KIAA0825: variants seen among roughly 807,000 people sequenced by gnomAD.
KIAA0825 encodes KIAA0825.
KIAA0825 carries 119 observed loss-of-function variants against 147.6 expected under a neutral mutation model. That is an observed-to-expected ratio of 0.81 (90% CI 0.69 to 0.94). The LOEUF is 0.94. Ranked by LOEUF, KIAA0825 falls within the 40% of genes least tolerant of loss-of-function variation. The pLI, the probability that KIAA0825 is intolerant of heterozygous loss-of-function variation, is 0.00. For synonymous variants in KIAA0825, 470 were observed against 518.1 expected (o/e 0.91, Z 1.26); for missense variants, 1,381 against 1,472.7 (o/e 0.94, Z 1.02).
chr5:94,420,454 A>T (rs1754035901), intron 14 of KIAA0825, among the ~76,000 whole-genome samples: 1 of 152,212 alleles, frequency 6.6e-6, no homozygotes, highest in Non-Finnish European at 1.5e-5. Context: ...TAACCACTGA[A>T]TGCAAAGCAC....
In KIAA0825 at chr5:94,471,463, C is replaced by A; in HGVS notation, c.1721+3G>T. On this transcript the variant is annotated splice_donor_region_variant and intron_variant, in intron 9 of 20. Coordinates refer to ENST00000682413, the MANE Select transcript of KIAA0825 (RefSeq NM_001145678.3). ...CCATCATCTTAATTTAAACAACACT[C>A]ACTTTTTAGTCATTTCCTTCATCAA... 2.6e-6 allele frequency: 4 copies of A among 1,551,230 alleles called. No homozygotes were observed. Among genetic ancestry groups the A allele is most frequent in the Non-Finnish European group, 3.5e-6 (4 of 1,146,586 alleles).
intron 1 of KIAA0825, among the ~76,000 whole-genome samples, chr5:94,597,491 C>T (rs1785518988): frequency 6.6e-6 from 1 of 152,072 alleles, no homozygotes; most frequent in Non-Finnish European, 1.5e-5. Flanking sequence ...CACAATATTA[C>T]ACATTTCATA....
chr5:94,618,019 A>C (rs939903651), intron 1 of KIAA0825: 1 of 152,214 alleles, frequency 6.6e-6, no homozygotes, highest in Non-Finnish European at 1.5e-5. Context: ...GGAACCTTCA[A>C]TTAATTCTAA....
In KIAA0825 at chr5:94,471,500, G is replaced by C; in HGVS notation, c.1687C>G (p.Arg563Gly). Residue 563 changes from arginine to glycine, a missense_variant, in exon 9 of 21, where the codon CGA becomes GGA. Transcript: ENST00000682413. ...TAVYVFQHFK[R>G]YDNLMKEMTK... Reference sequence around the variant, plus strand: ...ATTTCCTTCATCAAATTATCATATCGCTTGAAATGCTGGAAGACATACACC... The same window carrying C: ...ATTTCCTTCATCAAATTATCATATCCCTTGAAATGCTGGAAGACATACACC... 1 of 1,551,748 alleles carries C rather than the reference G, an allele frequency of 6.4e-7. No individual in the cohort carries two copies. Among genetic ancestry groups the C allele is most frequent in the African/African-American group, 1.4e-5 (1 of 73,012 alleles).
rs869059424 is a variant in KIAA0825, at chr5:94,224,082, C to CTTTTTT, written c.3711-69964_3711-69959dup. On this transcript the variant is annotated intron_variant, in intron 20 of 20. Coordinates refer to ENST00000682413, the MANE Select transcript of KIAA0825 (RefSeq NM_001145678.3). ...TTTCTTTTCTCTTTCTTTTTCTTTT[C>CTTTTTT]TTTTTTTTTTTTTTTTTTTTTTTTT... Among the ~76,000 whole-genome samples the CTTTTTT allele has an allele frequency of 1.4e-3, 79 of 56,494 alleles. 2 individuals are homozygous for CTTTTTT. The highest frequency in any genetic ancestry group is 1.9e-3 in the Non-Finnish European group (59 of 31,634). 37.1% of individuals were successfully genotyped at this position (56,494 alleles called of 152,430 possible). A position where few individuals can be genotyped will look rare whatever the true frequency, so the allele number is the denominator to read the frequency against.
At chr5:94,546,649 A>G (rs1425322811) in intron 2 of KIAA0825, among the ~76,000 whole-genome samples, 2 of 152,080 alleles carry the variant, frequency 1.3e-5, no homozygotes, top group Non-Finnish European at 2.9e-5. Flanking sequence ...GTACCTCTAT[A>G]AGATTGCAAG....
chr5:94,574,553 A>G (rs1052030415), intron 2 of KIAA0825, among the ~76,000 whole-genome samples: 9 of 150,966 alleles, frequency 6.0e-5, no homozygotes, highest in South Asian at 2.1e-4. Flanking sequence ...CAAAAAAAAA[A>G]AAAAAAAAAA....
At chr5:94,271,748 A>G (rs1258627158) in intron 20 of KIAA0825, among the ~76,000 whole-genome samples, 3 of 152,146 alleles carry the variant, frequency 2.0e-5, no homozygotes, top group East Asian at 1.9e-4. Context: ...TTCTGCCTCA[A>G]AAACAAAAAC....
intron 4 of KIAA0825, among the ~76,000 whole-genome samples, chr5:94,523,105 C>G (rs995089878): frequency 1.3e-5 from 2 of 151,604 alleles, no homozygotes; most frequent in African/African-American, 4.8e-5. Flanking sequence ...ATAATAACAA[C>G]AGGCAAAAAC....
intron 20 of KIAA0825, among the ~76,000 whole-genome samples, chr5:94,202,681 AC>A (rs1771809114): frequency 6.6e-6 from 1 of 152,182 alleles, no homozygotes; most frequent in Admixed American, 6.5e-5. Context: ...GCACCCAGTG[AC>A]CCAGGCCAAT....
At chr5:94,490,666 C>T (rs1763628345) in intron 5 of KIAA0825, among the ~76,000 whole-genome samples, 1 of 151,864 alleles carries the variant, frequency 6.6e-6, no homozygotes, top group African/African-American at 2.4e-5. Context: ...GTCTTCTTCT[C>T]TGTCTATATA....
At chr5:94,454,766 T>A (rs1758873351) in intron 12 of KIAA0825, among the ~76,000 whole-genome samples, 2 of 151,736 alleles carry the variant, frequency 1.3e-5, no homozygotes, top group Non-Finnish European at 1.5e-5. Flanking sequence ...TTGGAAAGAG[T>A]CAGGCAGGAG....
intron 20 of KIAA0825, among the ~76,000 whole-genome samples, chr5:94,218,853 C>A (rs1273637569): frequency 6.6e-6 from 1 of 152,166 alleles, no homozygotes; most frequent in Non-Finnish European, 1.5e-5. Context: ...GGATATTACT[C>A]CTCTGCCCTT....
At chr5:94,228,074 TA>T (rs1774364814) in intron 20 of KIAA0825, among the ~76,000 whole-genome samples, 1 of 152,188 alleles carries the variant, frequency 6.6e-6, no homozygotes, top group Admixed American at 6.5e-5. Context: ...ATCCATGAAA[TA>T]AACCTTTATT....
intron 20 of KIAA0825, among the ~76,000 whole-genome samples, chr5:94,234,675 A>G (rs1194778687): frequency 6.6e-6 from 1 of 152,132 alleles, no homozygotes; most frequent in Non-Finnish European, 1.5e-5. Flanking sequence ...GAGGTGAGGG[A>G]GAGATGTCAT....
intron 3 of KIAA0825, among the ~76,000 whole-genome samples, chr5:94,533,277 C>CTTT (rs780139022): frequency 8.0e-6 from 1 of 124,394 alleles, no homozygotes; most frequent in African/African-American, 3.0e-5. Flanking sequence ...TGTGCCCGGC[C>CTTT]TTTTTTTTTT....
chr5:94,337,275 G>T (rs1017963031), intron 20 of KIAA0825, among the ~76,000 whole-genome samples: 5 of 152,152 alleles, frequency 3.3e-5, no homozygotes, highest in Admixed American at 2.6e-4. Flanking sequence ...TAAGAATTCA[G>T]CGTATTGGTA....
At chr5:94,273,027 T>C (rs60394516) in intron 20 of KIAA0825, among the ~76,000 whole-genome samples, 3,327 of 152,320 alleles carry the variant, frequency 0.022, 128 homozygotes, top group African/African-American at 0.075. Context: ...TATTGTCCTA[T>C]ATGGATAAGC....
chr5:94,365,168 C>T (rs988111512), intron 20 of KIAA0825, among the ~76,000 whole-genome samples: 1 of 152,182 alleles, frequency 6.6e-6, no homozygotes, highest in Non-Finnish European at 1.5e-5. Context: ...CATGGATGTG[C>T]ATGGGCCAGA....
Sources: allele counts gnomAD v4.1 joint callset (sites outside exome capture counted in the v4.1 genomes callset), GRCh38; gene constraint gnomAD v4.1.1; transcripts MANE v1.5; gene names NCBI Gene and HGNC (gene_info 2026-07-23, HGNC 2026-07-21).